Variants in SLC39A8 observed in about 807,000 individuals in gnomAD.
SLC39A8 encodes metal cation symporter ZIP8.
A neutral mutation model predicts 40.4 loss-of-function variants in SLC39A8; 15 were observed. The ratio of observed to expected loss-of-function variants is 0.37; its 90% CI spans 0.25 to 0.57. The LOEUF (loss-of-function observed/expected upper bound fraction) is 0.57. Among genes scored for constraint, SLC39A8 ranks in the 20% least tolerant of loss-of-function variants. The probability of loss-of-function intolerance (pLI) is 0.75; values close to 1 mark genes in which losing one functional copy is unlikely to be tolerated. For missense variants in SLC39A8, 472 were observed against 558.8 expected, an observed-to-expected ratio of 0.84 and a Z score of 1.57; for synonymous variants, 223 against 221.6, an observed-to-expected ratio of 1.01 and a Z score of -0.06.
chr4:102,253,891 T>G (rs940379438), intron 11 of SLC39A8, among the ~76,000 whole-genome samples: 12 of 152,186 alleles, frequency 7.9e-5, no homozygotes, highest in Non-Finnish European at 1.3e-4. Flanking sequence ...ATTTGATTGT[T>G]TGCATTTCCT....
chr4:102,315,882 T>C, intron 2 of SLC39A8, 52 bp from the exon 3 acceptor site: 1 of 1,475,708 alleles, frequency 6.8e-7, no homozygotes, highest in Non-Finnish European at 9.3e-7. Context: ...TAAAAGCACA[T>C]AAGCAAAGAT....
chr4:102,287,634 A>C (rs1733240675), intron 6 of SLC39A8, among the ~76,000 whole-genome samples: 1 of 152,126 alleles, frequency 6.6e-6, no homozygotes, highest in Non-Finnish European at 1.5e-5. Context: ...ATCACACTAC[A>C]CAATAACTAT....
intron 2 of SLC39A8, among the ~76,000 whole-genome samples, chr4:102,325,806 A>G (rs1160621391): frequency 6.6e-6 from 1 of 152,240 alleles, no homozygotes; most frequent in Admixed American, 6.5e-5. Context: ...GTTCCCCTAA[A>G]CAAAAGGCAG....
At chr4:102,334,351 G>A (rs973387488) in intron 2 of SLC39A8, among the ~76,000 whole-genome samples, 39 of 152,246 alleles carry the variant, frequency 2.6e-4, no homozygotes, top group African/African-American at 4.6e-4. Flanking sequence ...TGACTTATTC[G>A]TATCTCAGTT....
intron 8 of SLC39A8, 43 bp downstream of exon 8, chr4:102,267,447 C>T: frequency 6.5e-7 from 1 of 1,528,028 alleles, no homozygotes; most frequent in Non-Finnish European, 8.8e-7. Context: ...TACTCATTTC[C>T]AAATTTTAAA....
At position 102,285,654 on chromosome 4, in the gene SLC39A8, T is replaced by C. The variant is rs946684742; in HGVS notation, c.841-17575A>G. 5.3e-5 allele frequency among the ~76,000 whole-genome samples: 8 copies of C among 151,584 alleles called. No homozygotes were observed. The East Asian group carries it at 1.5e-3, about 29-fold the overall frequency. On this transcript the variant is annotated intron_variant, in intron 6 of 8. Coordinates refer to ENST00000356736, the MANE Select transcript of SLC39A8 (RefSeq NM_001135146.2). Reference sequence around the variant, plus strand: ...GTGTGTGTGTGTGTGTGTGCATGTGTGTATGTGTGCATGAGCCAGTCTGCT... The same window carrying C: ...GTGTGTGTGTGTGTGTGTGCATGTGCGTATGTGTGCATGAGCCAGTCTGCT...
chr4:102,295,144 T>G (rs1733629807), intron 6 of SLC39A8, among the ~76,000 whole-genome samples: 1 of 147,994 alleles, frequency 6.8e-6, no homozygotes, highest in Non-Finnish European at 1.5e-5. Flanking sequence ...AAACTTTATA[T>G]ATGTGTTTAT....
At chr4:102,253,853 G>A (rs1731650092) in intron 11 of SLC39A8, among the ~76,000 whole-genome samples, 1 of 152,112 alleles carries the variant, frequency 6.6e-6, no homozygotes, top group Non-Finnish European at 1.5e-5. Flanking sequence ...GTACCGCTGA[G>A]TAGCCTGCCT....
intron 6 of SLC39A8, among the ~76,000 whole-genome samples, chr4:102,284,623 T>C (rs1414205092): frequency 3.3e-5 from 5 of 152,190 alleles, no homozygotes; most frequent in Non-Finnish European, 5.9e-5. Context: ...TAGCCTGATA[T>C]ATCACAGAGG....
intron 6 of SLC39A8, among the ~76,000 whole-genome samples, chr4:102,270,453 A>G (rs1203912670): frequency 6.6e-6 from 1 of 152,234 alleles, no homozygotes; most frequent in Non-Finnish European, 1.5e-5. Context: ...ACCTAGAATT[A>G]AATCACTGAG....
In SLC39A8 at chr4:102,283,799, C is replaced by A. The variant is rs1733020662; in HGVS notation, c.841-15720G>T. On this transcript the variant is annotated intron_variant, in intron 6 of 8. Transcript: ENST00000356736. ...GAATGCTTACTTTGAAGAAGAATTT[C>A]TATCTAGAATGTTTTCCAATGTCAT... Among the ~76,000 whole-genome samples, 6 of 152,300 alleles carry A rather than the reference C, an allele frequency of 3.9e-5. No homozygotes were observed. The South Asian group carries it at 1.2e-3, about 32-fold the overall frequency.
intron 6 of SLC39A8, among the ~76,000 whole-genome samples, chr4:102,276,227 G>A (rs233832): frequency 0.31 from 47,296 of 151,722 alleles, 7,649 homozygotes; most frequent in South Asian, 0.37. Context: ...AGCAAAATAG[G>A]TAGACTGCTA....
intron 6 of SLC39A8, among the ~76,000 whole-genome samples, chr4:102,275,663 C>G (rs761088666): frequency 2.6e-5 from 4 of 152,148 alleles, no homozygotes; most frequent in African/African-American, 4.8e-5. Flanking sequence ...CTCTCCACCC[C>G]CAAATCAACA....
intron 6 of SLC39A8, among the ~76,000 whole-genome samples, chr4:102,301,116 T>C (rs1191177104): frequency 6.6e-6 from 1 of 152,060 alleles, no homozygotes; most frequent in East Asian, 1.9e-4. Context: ...TTCTTATTCC[T>C]GGAAGTGTAT....
intron 6 of SLC39A8, among the ~76,000 whole-genome samples, chr4:102,291,293 C>A (rs1488125811): frequency 2.0e-5 from 3 of 151,828 alleles, no homozygotes; most frequent in Non-Finnish European, 2.9e-5. Flanking sequence ...TTTGCCAAAG[C>A]CTTTTCTAAA....
chr4:102,319,401 G>C (rs1168006588), intron 2 of SLC39A8, among the ~76,000 whole-genome samples: 1 of 152,126 alleles, frequency 6.6e-6, no homozygotes, highest in South Asian at 2.1e-4. Flanking sequence ...CTGCAGTCAG[G>C]CTCCTCTGAG....
At chr4:102,268,643 C>T (rs1427962760) in intron 6 of SLC39A8, among the ~76,000 whole-genome samples, 1 of 152,154 alleles carries the variant, frequency 6.6e-6, no homozygotes, top group Non-Finnish European at 1.5e-5. Context: ...ATTGAGTTTC[C>T]ATTCTGTTCC....
At chr4:102,275,278 C>CA (rs775163084) in intron 6 of SLC39A8, among the ~76,000 whole-genome samples, 19 of 115,544 alleles carry the variant, frequency 1.6e-4, no homozygotes, top group Non-Finnish European at 2.8e-4. Context: ...AAATGGAAAG[C>CA]AAAAAAAACA....
At chr4:102,267,750 T>C (rs1732167472) in intron 7 of SLC39A8, 76 bp from the exon 8 acceptor site, 7 of 1,526,148 alleles carry the variant, frequency 4.6e-6, no homozygotes, top group Admixed American at 2.0e-5. Context: ...TAATCATCAA[T>C]GTCCAACAAG....
Sources: allele counts gnomAD v4.1 joint callset (sites outside exome capture counted in the v4.1 genomes callset), GRCh38; gene constraint gnomAD v4.1.1; transcripts MANE v1.5; gene names NCBI Gene and HGNC (gene_info 2026-07-23, HGNC 2026-07-21).